Variants in LIX1L observed in about 807,000 individuals in gnomAD.
The protein encoded by LIX1L is LIX1-like protein.
Under a neutral mutation model 34.0 loss-of-function variants are expected in LIX1L, and 20 were observed. The ratio of observed to expected loss-of-function variants is 0.59; its 90% CI spans 0.41 to 0.85. The LOEUF (loss-of-function observed/expected upper bound fraction) is 0.85, where lower values mean the gene tolerates loss of function less well. LIX1L is among the 40% of genes least tolerant of loss of function. LIX1L has a pLI of 0.00. For synonymous variants in LIX1L, 170 were observed against 187.4 expected (o/e 0.91, Z 0.76); for missense variants, 397 against 447.0 (o/e 0.89, Z 1.01).
In LIX1L at chr1:145,957,813, G is replaced by T. The variant is rs1553760622; in HGVS notation, c.115C>A (p.Pro39Thr). 12 of 1,372,094 alleles carry T rather than the reference G, an allele frequency of 8.7e-6. No individual in the cohort carries two copies. The highest frequency in any genetic ancestry group is 1.0e-5 in the Non-Finnish European group (11 of 1,067,084). The allele number at this position is 1,372,094 out of a possible 1,614,324, so 85.0% of individuals were successfully genotyped here. The change falls in exon 1 of 6, where the codon CCT becomes ACT. Residue 39 changes from proline (P) to threonine (T), a missense_variant. By Grantham distance (38) the Pro-to-Thr change is conservative. Coordinates refer to ENST00000604000, the MANE Select transcript of LIX1L (RefSeq NM_153713.3). ...TGAAAATATP[P>T]AGPPPAPPPP... ...GGCGGGGCAGGCGGGGGGCCCGCAG[G>T]GGGTGTGGCGGTGGCGGCCGCGGCC...
intron 3 of LIX1L, chr1:145,940,025 A>T (rs781813226): frequency 5.3e-5 from 8 of 152,270 alleles, no homozygotes; most frequent in Admixed American, 3.9e-4. Flanking sequence ...GGAATGCAAT[A>T]GCACAATCTC....
intron 3 of LIX1L, among the ~76,000 whole-genome samples, chr1:145,939,638 C>CTTTT: frequency 7.5e-6 from 1 of 132,764 alleles, no homozygotes; most frequent in East Asian, 2.1e-4. Context: ...TTTTCTTTTT[C>CTTTT]TTTTTTTTTT....
At chr1:145,955,241 C>T (rs1649430884) in intron 1 of LIX1L, among the ~76,000 whole-genome samples, 1 of 152,208 alleles carries the variant, frequency 6.6e-6, no homozygotes, top group African/African-American at 2.4e-5. Flanking sequence ...CTACAGAATA[C>T]TGAGCTGTGT....
In LIX1L at chr1:145,947,597, A is replaced by T. The variant is rs587706859; in HGVS notation, c.456+22T>A. 1.4e-5 allele frequency: 23 copies of T among 1,612,348 alleles called. No homozygotes were observed. The African/African-American group carries it at 2.9e-4, about 21-fold the overall frequency. On this transcript the variant is annotated intron_variant, in intron 2 of 5. Coordinates refer to ENST00000604000, the MANE Select transcript of LIX1L (RefSeq NM_153713.3). Reference sequence around the variant, plus strand: ...TAACATCTAAGCATTTACCTTTGCTACTGCCACCTCACAACTCTTACCTGG... The same window carrying T: ...TAACATCTAAGCATTTACCTTTGCTTCTGCCACCTCACAACTCTTACCTGG...
Position 145,935,812 on chromosome 1 carries a change from G to GAGA in LIX1L, c.*495_*497dup, listed in dbSNP as rs1160215464. ...AAAACAAAGTGGCAATTTGGAGGCA[G>GAGA]AGAAGGAATAAGGTAGTGGTGGGGA... On this transcript the variant is annotated 3_prime_UTR_variant, in exon 6 of 6. Transcript: ENST00000604000. 1 of 159,518 alleles carries GAGA rather than the reference G, an allele frequency of 6.3e-6. No homozygotes were observed. The highest frequency in any genetic ancestry group is 1.4e-5 in the Non-Finnish European group (1 of 71,680). 9.9% of individuals were successfully genotyped at this position (159,518 alleles called of 1,614,324 possible).
chr1:145,940,434 T>G (rs1263136140), intron 3 of LIX1L, among the ~76,000 whole-genome samples: 3 of 149,262 alleles, frequency 2.0e-5, no homozygotes, highest in Non-Finnish European at 4.4e-5. Context: ...TGCACCTCCA[T>G]CTCCCAGGTT....
At position 145,936,274 on chromosome 1, in the gene LIX1L, G is replaced by T; in HGVS notation, c.*36C>A. On this transcript the variant is annotated 3_prime_UTR_variant, in exon 6 of 6. Coordinates refer to ENST00000604000, the MANE Select transcript of LIX1L (RefSeq NM_153713.3). ...TCTTAGAAAGGAGACATAAAAAAAG[G>T]CTGTGGAAAGCCTGGGGAGTTATGT... 6.2e-7 allele frequency: 1 copy of T among 1,601,320 alleles called. No homozygotes were observed. The highest frequency in any genetic ancestry group is 8.5e-7 in the Non-Finnish European group (1 of 1,172,382).
Position 145,934,457 on chromosome 1 carries a change from C to T in LIX1L, c.*1853G>A, listed in dbSNP as rs1648547189. On this transcript the variant is annotated 3_prime_UTR_variant, in exon 6 of 6. Transcript: ENST00000604000. ...GGCATGGTGGCGGGCGCCTGTAGTC[C>T]CAGCTACTAAGGAGGCTGAGGCAGG... The T allele has an allele frequency of 6.6e-6, 1 of 151,912 alleles. No individual in the cohort carries two copies. The highest frequency in any genetic ancestry group is 1.5e-5 in the Non-Finnish European group (1 of 68,098). The allele number at this position is 151,912 out of a possible 1,614,324, so 9.4% of individuals were successfully genotyped here.
chr1:145,955,000 A>G (rs1168521750), intron 1 of LIX1L, among the ~76,000 whole-genome samples: 1 of 152,214 alleles, frequency 6.6e-6, no homozygotes, highest in African/African-American at 2.4e-5. Context: ...CTACACCATT[A>G]ATCTTTATAC....
chr1:145,939,082 A>T (rs1442672539), intron 3 of LIX1L, among the ~76,000 whole-genome samples: 2 of 151,102 alleles, frequency 1.3e-5, no homozygotes, highest in Admixed American at 1.3e-4. Flanking sequence ...GGATCAAGTG[A>T]TCCTCTTGCC....
At chr1:145,952,227 G>T (rs1486809208) in intron 1 of LIX1L, among the ~76,000 whole-genome samples, 3 of 152,164 alleles carry the variant, frequency 2.0e-5, no homozygotes, top group African/African-American at 7.2e-5. Context: ...GAGCTTCATG[G>T]AGGTTCACAA....
intron 1 of LIX1L, among the ~76,000 whole-genome samples, chr1:145,953,695 T>C (rs376484941): frequency 3.0e-4 from 46 of 152,122 alleles, no homozygotes; most frequent in African/African-American, 1.1e-3. Context: ...GTTTAAATGA[T>C]CTGAGATGGG....
intron 1 of LIX1L, among the ~76,000 whole-genome samples, chr1:145,950,840 C>T (rs918818068): frequency 1.3e-5 from 2 of 152,256 alleles, no homozygotes; most frequent in African/African-American, 4.8e-5. Flanking sequence ...TGCGAATGTG[C>T]GACTTTGTGG....
chr1:145,939,695 G>A lies in LIX1L; in HGVS notation c.598-1996C>T, dbSNP rs188505822. The A allele has an allele frequency of 2.5e-3, 358 of 144,864 alleles. 2 individuals carry two copies. The highest frequency in any genetic ancestry group is 8.9e-3 in the African/African-American group (346 of 38,688). The allele number at this position is 144,864 out of a possible 1,614,324, so 9.0% of individuals were successfully genotyped here. The stretch of plus-strand genomic sequence containing the variant: ...ACTTTGTCACTGAGTCTGGAGTGCA[G>A]TAGTGCAATCTTGGCTCACTGCAGC... On this transcript the variant is annotated intron_variant, in intron 3 of 5. Coordinates refer to ENST00000604000, the MANE Select transcript of LIX1L (RefSeq NM_153713.3).
In LIX1L at chr1:145,957,863, C is replaced by A. The variant is rs113404160; in HGVS notation, c.65G>T (p.Arg22Leu). 3 of 1,462,156 alleles carry A rather than the reference C, an allele frequency of 2.1e-6. No individual in the cohort carries two copies. The East Asian group carries it at 8.9e-5, about 44-fold the overall frequency. 90.6% of individuals were successfully genotyped at this position (1,462,156 alleles called of 1,614,324 possible). A position where few individuals can be genotyped will look rare whatever the true frequency, so the allele number is the denominator to read the frequency against. ...CCCAGTCACTCCGGGCCGCAGCGCT[C>A]GGAGAGTGCCCCTCCCGCTGGTGCC... ...GVGTSGRGTLRALRPGVTGAA... is the reference protein window; with the variant it reads ...GVGTSGRGTLLALRPGVTGAA... The change falls in exon 1 of 6, where the codon CGA (arginine) becomes CTA (leucine). Residue 22 changes from arginine (R) to leucine (L), a missense_variant. Physicochemically the swap from Arg to Leu is moderately radical, Grantham distance 102. Coordinates refer to ENST00000604000, the MANE Select transcript of LIX1L (RefSeq NM_153713.3).
Position 145,957,631 on chromosome 1 carries a change from C to CT in LIX1L, c.292+4dup. On this transcript the variant is annotated splice_donor_region_variant and intron_variant, in intron 1 of 5. Coordinates refer to ENST00000604000, the MANE Select transcript of LIX1L (RefSeq NM_153713.3). ...TCGCGCAGGAGGCCAGACCCGCAGA[C>CT]TCACCTCGGCCATAGCCCTGCGTGT... is the stretch of plus-strand genomic sequence containing the variant. 1 of 1,525,756 alleles carries CT rather than the reference C, an allele frequency of 6.6e-7. No homozygotes were observed. The highest frequency in any genetic ancestry group is 8.8e-7 in the Non-Finnish European group (1 of 1,141,910). 94.5% of individuals were successfully genotyped at this position (1,525,756 alleles called of 1,614,324 possible).
intron 1 of LIX1L, among the ~76,000 whole-genome samples, chr1:145,956,304 C>T (rs1452118797): frequency 1.2e-4 from 18 of 152,072 alleles, no homozygotes; most frequent in Admixed American, 1.2e-3. Flanking sequence ...AATCTGTTTT[C>T]ATAGGAATTT....
At chr1:145,941,350 T>G (rs1366964766) in intron 3 of LIX1L, 3 of 151,486 alleles carry the variant, frequency 2.0e-5, no homozygotes, top group African/African-American at 7.3e-5. Flanking sequence ...CCTCCCAGGT[T>G]CAAGCAATTC....
At position 145,957,777 on chromosome 1, in the gene LIX1L, G is replaced by A. The variant is rs1649536594; in HGVS notation, c.151C>T (p.Pro51Ser). The change falls in exon 1 of 6, where the codon CCG becomes TCG. Residue 51 changes from proline to serine, a missense_variant. Coordinates refer to ENST00000604000, the MANE Select transcript of LIX1L (RefSeq NM_153713.3). Reference protein sequence around the residue: ...GPPPAPPPPAPPPPPLLLSGA... With the variant: ...GPPPAPPPPASPPPPLLLSGA... ...GACAGGAGCAGCGGCGGCGGGGGCGGTGCGGGAGGCGGCGGGGCAGGCGGG... is the reference window on the plus strand; with the variant it reads ...GACAGGAGCAGCGGCGGCGGGGGCGATGCGGGAGGCGGCGGGGCAGGCGGG... 7.4e-7 allele frequency: 1 copy of A among 1,348,772 alleles called. No individual in the cohort carries two copies. Among genetic ancestry groups the A allele is most frequent in the East Asian group, 3.1e-5 (1 of 32,360 alleles). The allele number at this position is 1,348,772 out of a possible 1,614,324, so 83.6% of individuals were successfully genotyped here.
Sources: allele counts gnomAD v4.1 joint callset (sites outside exome capture counted in the v4.1 genomes callset), GRCh38; gene constraint gnomAD v4.1.1; transcripts MANE v1.5; gene names NCBI Gene and HGNC (gene_info 2026-07-23, HGNC 2026-07-21).